LDLRAD3: variants seen among roughly 807,000 people sequenced by gnomAD.
The protein encoded by LDLRAD3 is low-density lipoprotein receptor class A domain-containing protein 3.
In LDLRAD3, 20 loss-of-function variants were observed where a neutral mutation model predicts 29.4. The ratio of observed to expected loss-of-function variants is 0.68; its 90% confidence interval spans 0.48 to 0.99. The LOEUF (loss-of-function observed/expected upper bound fraction) is 0.99. Among genes scored for constraint, LDLRAD3 ranks in the 50% least tolerant of loss-of-function variants. LDLRAD3 has a pLI of 0.00. For synonymous variants in LDLRAD3, 157 were observed against 192.7 expected, an observed-to-expected ratio of 0.81 and a Z score of 1.53; for missense variants, 420 against 454.3, an observed-to-expected ratio of 0.92 and a Z score of 0.69.
At chr11:36,044,995 G>T (rs900495692) in intron 2 of LDLRAD3, among the ~76,000 whole-genome samples, 5 of 152,192 alleles carry the variant, frequency 3.3e-5, no homozygotes, top group Non-Finnish European at 7.3e-5. Context: ...CACCACACTG[G>T]CCTGAAGTCA....
Position 36,204,591 on chromosome 11 carries a change from G to A in LDLRAD3, c.455-22494G>A, listed in dbSNP as rs192694604. On this transcript the variant is annotated intron_variant, in intron 4 of 5. Transcript: ENST00000315571. ...CAACCTCCACCTCCCGGGTTTAAGC[G>A]ATTCTGCTGCCTCAGCCTCCTGAGT... 9.3e-4 allele frequency among the ~76,000 whole-genome samples: 141 copies of A among 151,294 alleles called. 1 individual carries two copies. Among genetic ancestry groups the A allele is most frequent in the Non-Finnish European group, 1.1e-3 (77 of 67,930 alleles).
intron 1 of LDLRAD3, among the ~76,000 whole-genome samples, chr11:35,945,222 G>A (rs1851041664): frequency 6.6e-6 from 1 of 152,216 alleles, no homozygotes; most frequent in Non-Finnish European, 1.5e-5. Flanking sequence ...TGGCTGTCGA[G>A]GTGTCTTTGG....
intron 1 of LDLRAD3, among the ~76,000 whole-genome samples, chr11:36,016,738 C>T (rs895322485): frequency 6.6e-6 from 1 of 152,180 alleles, no homozygotes; most frequent in Non-Finnish European, 1.5e-5. Context: ...AATACCAGTA[C>T]ACTATACATC....
chr11:36,208,179 G>A (rs1454720359), intron 4 of LDLRAD3, among the ~76,000 whole-genome samples: 1 of 152,172 alleles, frequency 6.6e-6, no homozygotes, highest in Non-Finnish European at 1.5e-5. Flanking sequence ...TGCATTGAAA[G>A]GATGCGGGAG....
chr11:35,980,247 A>G (rs552733845), intron 1 of LDLRAD3, among the ~76,000 whole-genome samples: 46 of 152,326 alleles, frequency 3.0e-4, no homozygotes, highest in Non-Finnish European at 1.8e-4. Context: ...AGTGAAATAA[A>G]TGACCCATGG....
chr11:36,068,890 C>T (rs1324984371), intron 2 of LDLRAD3, among the ~76,000 whole-genome samples: 10 of 152,150 alleles, frequency 6.6e-5, no homozygotes, highest in African/African-American at 2.4e-4. Flanking sequence ...CTCTTCTCAG[C>T]ATAAAAGAGA....
At chr11:36,037,582 G>A (rs948210923) in intron 2 of LDLRAD3, among the ~76,000 whole-genome samples, 1 of 152,146 alleles carries the variant, frequency 6.6e-6, no homozygotes, top group Non-Finnish European at 1.5e-5. Context: ...CAAAGTGCTG[G>A]GATTACAGGC....
At chr11:35,970,807 C>T (rs1851402612) in intron 1 of LDLRAD3, among the ~76,000 whole-genome samples, 1 of 152,194 alleles carries the variant, frequency 6.6e-6, no homozygotes, top group Non-Finnish European at 1.5e-5. Flanking sequence ...TCTAGGACAT[C>T]TTAATGAGCA....
At chr11:36,228,937 C>T (rs1855535344) in intron 5 of LDLRAD3, among the ~76,000 whole-genome samples, 1 of 152,226 alleles carries the variant, frequency 6.6e-6, no homozygotes, top group Non-Finnish European at 1.5e-5. Flanking sequence ...GTGGTTTTGG[C>T]ACCGTCCGGT....
At chr11:36,084,741 A>G (rs1853170606) in intron 3 of LDLRAD3, among the ~76,000 whole-genome samples, 1 of 152,192 alleles carries the variant, frequency 6.6e-6, no homozygotes, top group Non-Finnish European at 1.5e-5. Context: ...ACCATTAGGT[A>G]AAAAATTGAT....
intron 1 of LDLRAD3, among the ~76,000 whole-genome samples, chr11:35,960,949 T>C (rs1326417771): frequency 6.6e-6 from 1 of 152,232 alleles, no homozygotes; most frequent in Non-Finnish European, 1.5e-5. Context: ...TGGTGGGCTG[T>C]GGCCAGGCCT....
chr11:36,191,620 A>ACG lies in LDLRAD3; in HGVS notation c.455-35464_455-35463insGC, dbSNP rs1362683864. On this transcript the variant is annotated intron_variant, in intron 4 of 5. Coordinates refer to ENST00000315571, the MANE Select transcript of LDLRAD3 (RefSeq NM_174902.4). ...TATATACACACACACACACACACAC[A>ACG]CACGCACGCACGCACGCACAAAGAA... 6.9e-4 allele frequency among the ~76,000 whole-genome samples: 58 copies of ACG among 84,484 alleles called. 2 individuals carry two copies. Among genetic ancestry groups the ACG allele is most frequent in the East Asian group, 1.9e-3 (6 of 3,220 alleles). The allele number at this position is 84,484 out of a possible 152,430, so 55.4% of individuals were successfully genotyped here.
intron 4 of LDLRAD3, among the ~76,000 whole-genome samples, chr11:36,212,515 G>A (rs1409173251): frequency 2.7e-5 from 4 of 150,938 alleles, no homozygotes; most frequent in African/African-American, 7.3e-5. Context: ...AAATGCCATT[G>A]CACTCTAGCC....
chr11:36,059,286 G>A (rs1164780085), intron 2 of LDLRAD3, among the ~76,000 whole-genome samples: 7 of 151,324 alleles, frequency 4.6e-5, no homozygotes, highest in Non-Finnish European at 1.5e-5. Context: ...GAGCATGAGA[G>A]GTTGAGGCAG....
chr11:36,022,549 C>A lies in LDLRAD3; in HGVS notation c.47-13554C>A, dbSNP rs558169621. Among the ~76,000 whole-genome samples, 80 of 152,148 alleles carry A rather than the reference C, an allele frequency of 5.3e-4. 3 individuals are homozygous for A. In the South Asian group the frequency reaches 0.014, roughly 27 times the overall value. On this transcript the variant is annotated intron_variant, in intron 1 of 5. Transcript: ENST00000315571. ...TGGACAGAACAGCCCTTTGATTACC[C>A]AGGGAGACTGTCAAGTTTGCATCTG... is the stretch of plus-strand genomic sequence containing the variant.
chr11:36,058,830 G>A (rs1164231148), intron 2 of LDLRAD3, among the ~76,000 whole-genome samples: 10 of 152,220 alleles, frequency 6.6e-5, no homozygotes, highest in African/African-American at 2.2e-4. Flanking sequence ...ACCTTACAAT[G>A]TATAGGACAG....
At chr11:35,957,957 G>A (rs1851226251) in intron 1 of LDLRAD3, among the ~76,000 whole-genome samples, 1 of 152,162 alleles carries the variant, frequency 6.6e-6, no homozygotes, top group African/African-American at 2.4e-5. Context: ...CAGTGAAATA[G>A]TTTGCAATGT....
At chr11:36,069,253 T>C (rs1018819975) in intron 2 of LDLRAD3, among the ~76,000 whole-genome samples, 8 of 152,176 alleles carry the variant, frequency 5.3e-5, no homozygotes, top group Non-Finnish European at 5.9e-5. Flanking sequence ...AGCTCCCCCG[T>C]TTAGCCCCCA....
chr11:35,946,145 T>G (rs1388177644), intron 1 of LDLRAD3, among the ~76,000 whole-genome samples: 1 of 152,248 alleles, frequency 6.6e-6, no homozygotes, highest in Non-Finnish European at 1.5e-5. Context: ...GTCAACTAGA[T>G]GCTCCTGGGC....
Sources: gnomAD v4.1 joint callset for allele counts (sites outside exome capture counted in the v4.1 genomes callset) on GRCh38, gnomAD v4.1.1 for gene constraint, MANE v1.5 for transcripts, NCBI Gene and HGNC (gene_info 2026-07-23, HGNC 2026-07-21) for gene names.